Variants in PALM2AKAP2 observed in about 807,000 individuals in gnomAD.
PALM2AKAP2 encodes the protein PALM2 and AKAP2 fusion.
In PALM2AKAP2, 37 loss-of-function variants were observed where a neutral mutation model predicts 71.5. The observed-to-expected ratio is 0.52, with a 90% confidence interval of 0.40 to 0.68. The LOEUF (loss-of-function observed/expected upper bound fraction) is 0.68, where lower values mean the gene tolerates loss of function less well. Ranked by LOEUF, PALM2AKAP2 falls within the 30% of genes least tolerant of loss-of-function variation. The probability of loss-of-function intolerance (pLI) is 0.00; values close to 1 mark genes in which losing one functional copy is unlikely to be tolerated. For synonymous variants in PALM2AKAP2, 468 were observed against 478.8 expected (o/e 0.98, Z 0.29); for missense variants, 1,224 against 1,191.8 (o/e 1.03, Z -0.40).
intron 7 of PALM2AKAP2, among the ~76,000 whole-genome samples, chr9:110,023,194 A>G (rs1196045075): frequency 1.3e-5 from 2 of 151,568 alleles, no homozygotes; most frequent in African/African-American, 2.4e-5. Context: ...CAGTCCCACC[A>G]ACAGTGTAAA....
chr9:110,146,981 T>G (rs763171056), intron 2 of PALM2AKAP2, among the ~76,000 whole-genome samples: 1 of 152,162 alleles, frequency 6.6e-6, no homozygotes, highest in Non-Finnish European at 1.5e-5. Flanking sequence ...ATGTGCGAGG[T>G]GGCTCATGCC....
At chr9:109,755,085 T>A (rs1270302313) in intron 1 of PALM2AKAP2, among the ~76,000 whole-genome samples, 1 of 152,016 alleles carries the variant, frequency 6.6e-6, no homozygotes, top group Non-Finnish European at 1.5e-5. Flanking sequence ...CATCACCTCT[T>A]AGCTGCACAA....
At chr9:109,713,899 T>G (rs1027826899) in intron 1 of PALM2AKAP2, among the ~76,000 whole-genome samples, 1 of 152,222 alleles carries the variant, frequency 6.6e-6, no homozygotes, top group Non-Finnish European at 1.5e-5. Context: ...TCTAGTAAAC[T>G]ATAAGATATT....
intron 2 of PALM2AKAP2, among the ~76,000 whole-genome samples, chr9:110,155,069 TCTCTC>T (rs1836413422): frequency 6.6e-6 from 1 of 152,186 alleles, no homozygotes; most frequent in African/African-American, 2.4e-5. Flanking sequence ...GGCCTTTGTA[TCTCTC>T]ATCAGAAGGA....
chr9:109,913,423 G>A (rs952965105), intron 3 of PALM2AKAP2, among the ~76,000 whole-genome samples: 3 of 152,196 alleles, frequency 2.0e-5, no homozygotes, highest in Admixed American at 6.5e-5. Context: ...TGTGCAAGGA[G>A]TAGAAACTTC....
exon 2 of PALM2AKAP2, chr9:110,137,624 A>G (rs558592819): frequency 6.2e-7 from 1 of 1,614,124 alleles, no homozygotes; most frequent in African/African-American, 1.3e-5. Flanking sequence ...AAGATCTGTC[A>G]ATGTCTCCTT....
chr9:109,992,433 A>G (rs749686298), intron 6 of PALM2AKAP2, among the ~76,000 whole-genome samples: 1 of 151,996 alleles, frequency 6.6e-6, no homozygotes, highest in Non-Finnish European at 1.5e-5. Flanking sequence ...TACTTTGTTT[A>G]TTTATTTTGA....
intron 6 of PALM2AKAP2, among the ~76,000 whole-genome samples, chr9:109,932,997 GT>G (rs1431668943): frequency 6.6e-6 from 1 of 152,184 alleles, no homozygotes; most frequent in Non-Finnish European, 1.5e-5. Context: ...TAATACAAAA[GT>G]AAAATAAAAG....
chr9:109,934,070 C>T (rs1393798572), intron 6 of PALM2AKAP2, among the ~76,000 whole-genome samples: 5 of 152,166 alleles, frequency 3.3e-5, no homozygotes, highest in African/African-American at 4.8e-5. Flanking sequence ...GGTTGTTTGG[C>T]GTTTGGAAGG....
intron 1 of PALM2AKAP2, among the ~76,000 whole-genome samples, chr9:109,665,953 G>A (rs891165459): frequency 1.3e-5 from 2 of 152,228 alleles, no homozygotes; most frequent in African/African-American, 2.4e-5. Context: ...AGACTGCTGC[G>A]CTAGCAGTGA....
chr9:110,003,625 TG>T (rs200960045), intron 6 of PALM2AKAP2, among the ~76,000 whole-genome samples: 2,816 of 152,282 alleles, frequency 0.018, 101 homozygotes, highest in African/African-American at 0.065. Flanking sequence ...ATGTTGACAG[TG>T]GGGTGTTAAA....
chr9:109,781,751 G>C (rs1339194077), intron 1 of PALM2AKAP2, among the ~76,000 whole-genome samples: 1 of 152,190 alleles, frequency 6.6e-6, no homozygotes, highest in Non-Finnish European at 1.5e-5. Flanking sequence ...AAATGCCATG[G>C]TTTGCCTATT....
intron 1 of PALM2AKAP2, among the ~76,000 whole-genome samples, chr9:109,736,129 C>A (rs1828631010): frequency 6.6e-6 from 1 of 152,078 alleles, no homozygotes; most frequent in Admixed American, 6.6e-5. Flanking sequence ...TTCACAGGCA[C>A]AACGACGGTT....
intron 1 of PALM2AKAP2, among the ~76,000 whole-genome samples, chr9:109,823,153 G>A (rs981199750): frequency 1.3e-5 from 2 of 152,086 alleles, no homozygotes; most frequent in African/African-American, 4.8e-5. Context: ...AACTTCCAGC[G>A]AAAAGGGACA....
upstream of PALM2AKAP2, among the ~76,000 whole-genome samples, chr9:110,044,390 C>T (rs1473887151): frequency 2.0e-4 from 23 of 115,574 alleles, no homozygotes; most frequent in East Asian, 3.2e-3. Flanking sequence ...CTCCCTCTGT[C>T]GCCCAGGCTG....
chr9:110,124,501 A>T (rs10980211), intron 1 of PALM2AKAP2, among the ~76,000 whole-genome samples: 6,808 of 152,266 alleles, frequency 0.045, 354 homozygotes, highest in East Asian at 0.25. Flanking sequence ...TAAATTTTCC[A>T]GGTCAATGTA....
intron 1 of PALM2AKAP2, among the ~76,000 whole-genome samples, chr9:110,092,078 T>C (rs906966697): frequency 6.6e-6 from 1 of 152,208 alleles, no homozygotes; most frequent in Admixed American, 6.5e-5. Context: ...ATACCTGTAA[T>C]CTCAGCACTT....
chr9:110,138,428 G>A (rs775787860), exon 2 of PALM2AKAP2: 22 of 1,614,130 alleles, frequency 1.4e-5, no homozygotes, highest in East Asian at 2.2e-5. Flanking sequence ...AGCAGCTCAG[G>A]AAAGGGAAGA....
At chr9:109,701,281 G>A (rs1323613241) in intron 1 of PALM2AKAP2, among the ~76,000 whole-genome samples, 1 of 152,118 alleles carries the variant, frequency 6.6e-6, no homozygotes, top group Admixed American at 6.6e-5. Flanking sequence ...AGCCCACATT[G>A]CCAAGTCAAT....
Sources: allele counts gnomAD v4.1 joint callset (sites outside exome capture counted in the v4.1 genomes callset), GRCh38; gene constraint gnomAD v4.1.1; transcripts MANE v1.5; gene names NCBI Gene and HGNC (gene_info 2026-07-23, HGNC 2026-07-21).